Variants in SLC7A14 observed in about 807,000 individuals in gnomAD.
SLC7A14 encodes the protein gamma-aminobutyric acid transporter SLC7A14.
SLC7A14 carries 37 observed loss-of-function variants against 60.2 expected under a neutral mutation model. That is an observed-to-expected ratio of 0.61 (90% CI 0.47 to 0.81). SLC7A14 has a LOEUF of 0.81. Among genes scored for constraint, SLC7A14 ranks in the 30% least tolerant of loss-of-function variants. The probability of loss-of-function intolerance (pLI) is 0.00; values close to 1 mark genes in which losing one functional copy is unlikely to be tolerated. For missense variants in SLC7A14, 886 were observed against 982.7 expected, an observed-to-expected ratio of 0.90 and a Z score of 1.32; for synonymous variants, 399 against 395.8, an observed-to-expected ratio of 1.01 and a Z score of -0.10.
At chr3:170,476,065 G>A (rs948099525) in intron 7 of SLC7A14, among the ~76,000 whole-genome samples, 26 of 152,108 alleles carry the variant, frequency 1.7e-4, no homozygotes, top group African/African-American at 4.8e-4. Flanking sequence ...TGCTGGTCTG[G>A]GGTCACACAT....
chr3:170,562,960 C>G (rs1457303199), intron 1 of SLC7A14, among the ~76,000 whole-genome samples: 1 of 152,042 alleles, frequency 6.6e-6, no homozygotes, highest in African/African-American at 2.4e-5. Context: ...TGGGGTTTTG[C>G]CATGTTGGCC....
intron 4 of SLC7A14, among the ~76,000 whole-genome samples, chr3:170,491,375 AG>A (rs1712214170): frequency 6.6e-6 from 1 of 152,246 alleles, no homozygotes; most frequent in South Asian, 2.1e-4. Flanking sequence ...ATGTAGAACT[AG>A]AAAGCAAGTA....
At chr3:170,467,826 T>G (rs1739764990) in intron 7 of SLC7A14, among the ~76,000 whole-genome samples, 1 of 152,226 alleles carries the variant, frequency 6.6e-6, no homozygotes, top group Non-Finnish European at 1.5e-5. Flanking sequence ...AGCAACAGTT[T>G]ATTCCCAACG....
intron 1 of SLC7A14, among the ~76,000 whole-genome samples, chr3:170,557,309 A>G (rs1468977): frequency 0.39 from 59,303 of 151,610 alleles, 11,782 homozygotes; most frequent in African/African-American, 0.42. Flanking sequence ...ACCTCACAGC[A>G]ATGGGCAGTT....
intron 1 of SLC7A14, among the ~76,000 whole-genome samples, chr3:170,529,423 A>G (rs901260519): frequency 8.5e-5 from 13 of 152,342 alleles, no homozygotes; most frequent in African/African-American, 3.1e-4. Flanking sequence ...CAGTGTTTTT[A>G]TTCAGAAAAT....
At chr3:170,515,180 G>T (rs950288735) in intron 2 of SLC7A14, among the ~76,000 whole-genome samples, 9 of 151,940 alleles carry the variant, frequency 5.9e-5, no homozygotes, top group Non-Finnish European at 1.2e-4. Context: ...CTGCAGGGTG[G>T]TATGTGCCTC....
At chr3:170,560,317 G>C (rs182290037) in intron 1 of SLC7A14, among the ~76,000 whole-genome samples, 15 of 152,230 alleles carry the variant, frequency 9.9e-5, no homozygotes, top group Admixed American at 9.2e-4. Context: ...CAGAGACCTA[G>C]AGAATAATAT....
At chr3:170,483,087 G>A (rs548281344) in intron 6 of SLC7A14, among the ~76,000 whole-genome samples, 92 of 152,100 alleles carry the variant, frequency 6.0e-4, no homozygotes, top group Non-Finnish European at 1.2e-3. Flanking sequence ...GGACAGTGGG[G>A]GGACACACAT....
chr3:170,473,648 C>T (rs755107420), intron 7 of SLC7A14, among the ~76,000 whole-genome samples: 2 of 152,180 alleles, frequency 1.3e-5, no homozygotes, highest in Non-Finnish European at 2.9e-5. Flanking sequence ...GAGAAGGTAT[C>T]CTTCCCACCC....
intron 3 of SLC7A14, 83 bp downstream of exon 3, chr3:170,501,025 GC>G: frequency 7.7e-7 from 1 of 1,306,262 alleles, no homozygotes; most frequent in Admixed American, 1.7e-5. Context: ...GATACATTTT[GC>G]CAAATTGCTT....
At chr3:170,497,201 T>C (rs529857779) in intron 4 of SLC7A14, among the ~76,000 whole-genome samples, 1 of 151,960 alleles carries the variant, frequency 6.6e-6, no homozygotes, top group Non-Finnish European at 1.5e-5. Context: ...TCTTATATGA[T>C]AGGAAAGGAA....
chr3:170,479,148 CA>C (rs1236566303), intron 7 of SLC7A14, among the ~76,000 whole-genome samples: 2 of 114,064 alleles, frequency 1.8e-5, no homozygotes, highest in Non-Finnish European at 4.2e-5. Context: ...ACAAAACAAA[CA>C]AATAACAACA....
At chr3:170,530,721 C>T (rs1345072426) in intron 1 of SLC7A14, among the ~76,000 whole-genome samples, 1 of 152,170 alleles carries the variant, frequency 6.6e-6, no homozygotes, top group African/African-American at 2.4e-5. Context: ...GGGGTGTGGA[C>T]CTGCTGCAGC....
chr3:170,486,100 G>A lies in SLC7A14; in HGVS notation c.906+122C>T, dbSNP rs998782759. On this transcript the variant is annotated intron_variant, in intron 5 of 7. Transcript: ENST00000231706. Reference sequence around the variant, plus strand: ...TCTTGTCATGGGGAGTGGGGAATGGGGCTACAGGGGACAAAAGACAGACAC... The same window carrying A: ...TCTTGTCATGGGGAGTGGGGAATGGAGCTACAGGGGACAAAAGACAGACAC... The A allele has an allele frequency of 3.9e-6, 5 of 1,287,862 alleles. No homozygotes were observed. In the African/African-American group the frequency reaches 7.5e-5, roughly 19 times the overall value. The allele number at this position is 1,287,862 out of a possible 1,614,324, so 79.8% of individuals were successfully genotyped here. A position where few individuals can be genotyped will look rare whatever the true frequency, so the allele number is the denominator to read the frequency against.
chr3:170,555,765 T>C (rs1714470132), intron 1 of SLC7A14, among the ~76,000 whole-genome samples: 1 of 152,220 alleles, frequency 6.6e-6, no homozygotes, highest in African/African-American at 2.4e-5. Flanking sequence ...GGGACCACGG[T>C]TGTATATGTA....
intron 1 of SLC7A14, among the ~76,000 whole-genome samples, chr3:170,572,762 GTC>G (rs923953800): frequency 1.3e-5 from 2 of 152,312 alleles, no homozygotes; most frequent in African/African-American, 2.4e-5. Context: ...TGGCACGACA[GTC>G]TCTACTCATT....
chr3:170,565,556 G>C, intron 1 of SLC7A14, among the ~76,000 whole-genome samples: 1 of 152,090 alleles, frequency 6.6e-6, no homozygotes, highest in East Asian at 1.9e-4. Context: ...CTCCTTGATG[G>C]GTCTGTAGAC....
intron 7 of SLC7A14, among the ~76,000 whole-genome samples, chr3:170,475,983 G>A (rs1429232289): frequency 6.6e-6 from 1 of 152,162 alleles, no homozygotes; most frequent in East Asian, 1.9e-4. Flanking sequence ...AAAGTGCTGG[G>A]ATTACAGGCA....
intron 7 of SLC7A14, among the ~76,000 whole-genome samples, chr3:170,474,504 A>G (rs775166285): frequency 6.6e-6 from 1 of 152,152 alleles, no homozygotes; most frequent in Non-Finnish European, 1.5e-5. Flanking sequence ...CCTGGCCTTC[A>G]GGATTATTCT....
Sources: allele counts gnomAD v4.1 joint callset (sites outside exome capture counted in the v4.1 genomes callset), GRCh38; gene constraint gnomAD v4.1.1; transcripts MANE v1.5; gene names NCBI Gene and HGNC (gene_info 2026-07-23, HGNC 2026-07-21).